Variants in OR2T2 observed in about 807,000 individuals in gnomAD.
OR2T2 encodes the protein olfactory receptor family 2 subfamily T member 2.
For synonymous variants in OR2T2, 50 were observed against 162.7 expected (o/e 0.31, Z 5.27); for missense variants, 138 against 409.1 (o/e 0.34, Z 5.72).
exon 2 of OR2T2, chr1:248,446,672 AAGCATTC>A (rs1477439531): frequency 1.3e-5 from 2 of 148,168 alleles, no homozygotes; most frequent in African/African-American, 5.3e-5. Context: ...TGCTGCCCAG[AAGCATTC>A]CCCTGCACAT....
At chr1:248,450,051 T>C (rs1272825864) in intron 2 of OR2T2, among the ~76,000 whole-genome samples, 1 of 149,418 alleles carries the variant, frequency 6.7e-6, no homozygotes, top group African/African-American at 2.6e-5. Flanking sequence ...TGATGACATG[T>C]TTTGTCCATA....
intron 2 of OR2T2, among the ~76,000 whole-genome samples, chr1:248,450,529 C>CTT (rs1662773190): frequency 1.3e-5 from 2 of 151,418 alleles, no homozygotes; most frequent in Admixed American, 6.5e-5. Flanking sequence ...TTTACCTCCT[C>CTT]TTTGAATACC....
chr1:248,446,255 T>C (rs535154311), intron 1 of OR2T2, among the ~76,000 whole-genome samples: 16 of 144,444 alleles, frequency 1.1e-4, no homozygotes, highest in Non-Finnish European at 3.0e-5. Flanking sequence ...AATAAAACTA[T>C]TAGAGGTCTC....
exon 3 of OR2T2, chr1:248,453,190 A>G (rs769257694): frequency 6.2e-7 from 1 of 1,610,416 alleles, no homozygotes; most frequent in South Asian, 1.1e-5. Context: ...GCAACCCTCT[A>G]CGGTACCCTC....
intron 2 of OR2T2, among the ~76,000 whole-genome samples, chr1:248,450,723 TCC>T (rs1252634044): frequency 1.3e-5 from 2 of 151,744 alleles, no homozygotes; most frequent in Non-Finnish European, 2.9e-5. Flanking sequence ...ATGTATAATA[TCC>T]ATAATGCATT....
rs184519247 is a variant in OR2T2 at position 248,453,776 on chromosome 1, G to A, written c.*4G>A. 5.4e-3 allele frequency: 8,227 copies of A among 1,529,592 alleles called. 25 individuals carry two copies. Among genetic ancestry groups the A allele is most frequent in the Middle Eastern group, 0.012 (66 of 5,434 alleles). The allele number at this position is 1,529,592 out of a possible 1,614,324, so 94.8% of individuals were successfully genotyped here. On this transcript the variant is annotated 3_prime_UTR_variant, in exon 3 of 3. Transcript: ENST00000642130. ...GACTGTGATCAGGAAGGGCTAGCAG[G>A]GACTCCCACAGCATCAGAGTGGTGA...
exon 3 of OR2T2, chr1:248,453,998 G>C (rs1416769455): frequency 1.8e-6 from 1 of 570,704 alleles, no homozygotes; most frequent in African/African-American, 2.5e-5. Flanking sequence ...AAATCATCCT[G>C]TTGCAAGGAT....
rs1480760163 is a variant in OR2T2 at position 248,450,109 on chromosome 1, A to C, written c.-22-2667A>C. Among the ~76,000 whole-genome samples the C allele has an allele frequency of 5.9e-4, 88 of 148,582 alleles. 1 individual carries two copies. The highest frequency in any genetic ancestry group is 2.2e-3 in the African/African-American group (86 of 39,142). On this transcript the variant is annotated intron_variant, in intron 2 of 2. Coordinates refer to ENST00000642130, the Ensembl canonical transcript of OR2T2. ...CTTGCAATGCCCAGTAGCCTATGGAATAACATTAGGCATGCATTTGAACAT... is the reference window on the plus strand; with the variant it reads ...CTTGCAATGCCCAGTAGCCTATGGACTAACATTAGGCATGCATTTGAACAT...
intron 2 of OR2T2, 38 bp downstream of exon 2, chr1:248,446,849 A>G (rs1156534741): frequency 2.7e-5 from 4 of 148,372 alleles, no homozygotes; most frequent in Non-Finnish European, 1.5e-5. Flanking sequence ...GTATTCTTCA[A>G]ACTGAACTAA....
intron 2 of OR2T2, among the ~76,000 whole-genome samples, chr1:248,449,810 C>T (rs1397499855): frequency 4.2e-5 from 5 of 119,670 alleles, no homozygotes; most frequent in African/African-American, 2.2e-4. Context: ...AAAGCTTTTT[C>T]TTTTTCTTTT....
chr1:248,450,214 T>C (rs536310694), intron 2 of OR2T2, among the ~76,000 whole-genome samples: 1 of 148,092 alleles, frequency 6.8e-6, no homozygotes, highest in South Asian at 2.1e-4. Context: ...TTCTGCTCTT[T>C]AGCAGGGCCT....
chr1:248,449,379 CTCT>C (rs1264684722), intron 2 of OR2T2: 1 of 151,918 alleles, frequency 6.6e-6, no homozygotes, highest in African/African-American at 2.4e-5. Flanking sequence ...TCTTGGAGAT[CTCT>C]TCAATTTTCG....
At position 248,446,769 on chromosome 1, in the gene OR2T2, TTC is replaced by T. The variant is rs1257456974; in HGVS notation, c.-63_-62del. 1 of 147,336 alleles carries T rather than the reference TTC, an allele frequency of 6.8e-6. No homozygotes were observed. The highest frequency in any genetic ancestry group is 1.5e-5 in the Non-Finnish European group (1 of 67,062). The allele number at this position is 147,336 out of a possible 1,614,324, so 9.1% of individuals were successfully genotyped here. On this transcript the variant is annotated 5_prime_UTR_variant, in exon 2 of 3. An upstream open reading frame in the 5' UTR loses its in-frame stop. Transcript: ENST00000642130. The stretch of plus-strand genomic sequence containing the variant: ...GCTCCAGGAAACCAGATGTACTTCT[TTC>T]TTTCTTGTCCATTGGTGATATCCTT...
exon 3 of OR2T2, chr1:248,454,911 TGAATAAA>T (rs1662901162): frequency 9.6e-6 from 1 of 103,932 alleles, no homozygotes. Flanking sequence ...AAATGTAGAA[TGAATAAA>T]CCAAGACATT....
Position 248,452,578 on chromosome 1 carries a change from C to A in OR2T2, c.-22-198C>A, listed in dbSNP as rs1208263403. ...AGAGTACAGAACTATGATGACCTTT[C>A]ACAGATGATGAAATTGAGTTGAGAT... On this transcript the variant is annotated intron_variant, in intron 2 of 2. Coordinates refer to ENST00000642130, the Ensembl canonical transcript of OR2T2. 3.0e-5 allele frequency among the ~76,000 whole-genome samples: 4 copies of A among 132,144 alleles called. 1 individual carries two copies. The highest frequency in any genetic ancestry group is 6.1e-5 in the Non-Finnish European group (4 of 65,848). 86.7% of individuals were successfully genotyped at this position (132,144 alleles called of 152,430 possible). A position where few individuals can be genotyped will look rare whatever the true frequency, so the allele number is the denominator to read the frequency against.
chr1:248,454,009 T>C (rs1662883943), exon 3 of OR2T2: 1 of 535,484 alleles, frequency 1.9e-6, no homozygotes, highest in Non-Finnish European at 3.2e-6. Flanking sequence ...TTGCAAGGAT[T>C]ACTTAGGAAC....
chr1:248,445,655 C>A (rs1970421), exon 1 of OR2T2: 13,011 of 141,764 alleles, frequency 0.092, 4 homozygotes, highest in East Asian at 0.28. Context: ...AAGACTTGGA[C>A]CCAGCTTCTC....
chr1:248,446,778 G>A (rs1662668844), exon 2 of OR2T2: 1 of 148,874 alleles, frequency 6.7e-6, no homozygotes, highest in African/African-American at 2.6e-5. Flanking sequence ...TTTCTTTCTT[G>A]TCCATTGGTG....
chr1:248,452,483 G>A (rs1334179665), intron 2 of OR2T2, among the ~76,000 whole-genome samples: 1 of 103,954 alleles, frequency 9.6e-6, no homozygotes, highest in Non-Finnish European at 1.7e-5. Flanking sequence ...TCAGAAGATA[G>A]TTCAAAGTAA....
Sources: allele counts gnomAD v4.1 joint callset (sites outside exome capture counted in the v4.1 genomes callset), GRCh38; gene constraint gnomAD v4.1.1; transcripts MANE v1.5; gene names NCBI Gene and HGNC (gene_info 2026-07-23, HGNC 2026-07-21).